The following KCNMA1 variants were observed in gnomAD, a reference collection of about 807,000 sequenced individuals.
The protein encoded by KCNMA1 is potassium calcium-activated channel subfamily M alpha 1, also known as Calcium-activated potassium channel subunit alpha-1.
Under a neutral mutation model 140.0 loss-of-function variants are expected in KCNMA1, and 29 were observed. The ratio of observed to expected loss-of-function variants is 0.21; its 90% CI spans 0.15 to 0.28. The LOEUF (loss-of-function observed/expected upper bound fraction) is 0.28, where lower values mean the gene tolerates loss of function less well. Among genes scored for constraint, KCNMA1 ranks in the 10% least tolerant of loss-of-function variants. The pLI, the probability that KCNMA1 is intolerant of heterozygous loss-of-function variation, is 1.00. For synonymous variants in KCNMA1, 612 were observed against 611.9 expected (o/e 1.00, Z 0.00); for missense variants, 880 against 1,602.2 (o/e 0.55, Z 7.70).
intron 1 of KCNMA1, among the ~76,000 whole-genome samples, chr10:77,422,289 A>C (rs796352138): frequency 6.6e-6 from 1 of 152,342 alleles, no homozygotes; most frequent in African/African-American, 2.4e-5. Flanking sequence ...CCCAGCCCAG[A>C]GTTTCCAATT....
chr10:77,210,684 G>C (rs556297646), intron 3 of KCNMA1, among the ~76,000 whole-genome samples: 2 of 152,182 alleles, frequency 1.3e-5, no homozygotes, highest in African/African-American at 4.8e-5. Flanking sequence ...CTTATAAAAG[G>C]CTGTTATAAC....
At chr10:77,096,960 C>T (rs2096947337) in intron 9 of KCNMA1, among the ~76,000 whole-genome samples, 1 of 152,140 alleles carries the variant, frequency 6.6e-6, no homozygotes, top group Non-Finnish European at 1.5e-5. Context: ...GAACCAGCAG[C>T]ACTGTATCAT....
chr10:77,526,506 A>G (rs960453552), intron 1 of KCNMA1, among the ~76,000 whole-genome samples: 1 of 152,232 alleles, frequency 6.6e-6, no homozygotes, highest in Non-Finnish European at 1.5e-5. Context: ...CTCAAAAGCC[A>G]ATAGCATCCA....
chr10:77,618,830 A>G (rs2090434099), intron 1 of KCNMA1, among the ~76,000 whole-genome samples: 1 of 152,240 alleles, frequency 6.6e-6, no homozygotes, highest in Admixed American at 6.5e-5. Context: ...TTTCTTCTCT[A>G]GAAATCCCGT....
chr10:77,032,621 A>G (rs1402452098), intron 15 of KCNMA1, among the ~76,000 whole-genome samples: 1 of 152,226 alleles, frequency 6.6e-6, no homozygotes, highest in African/African-American at 2.4e-5. Flanking sequence ...AAAGGTCTTA[A>G]GCCAGCAATC....
chr10:77,103,420 T>A (rs560730819), intron 9 of KCNMA1, among the ~76,000 whole-genome samples: 1 of 152,328 alleles, frequency 6.6e-6, no homozygotes, highest in African/African-American at 2.4e-5. Flanking sequence ...CTTTCACTGA[T>A]AAGGAAGAAA....
chr10:77,328,096 T>A (rs796513824), intron 2 of KCNMA1, among the ~76,000 whole-genome samples: 5 of 152,334 alleles, frequency 3.3e-5, no homozygotes, highest in African/African-American at 1.2e-4. Context: ...ACATTTTAAA[T>A]ATCTGTCTGT....
At chr10:77,422,995 A>G (rs973181595) in intron 1 of KCNMA1, among the ~76,000 whole-genome samples, 5 of 152,260 alleles carry the variant, frequency 3.3e-5, no homozygotes, top group African/African-American at 1.2e-4. Context: ...AAGGACAGAT[A>G]AAGCTCTGGC....
intron 1 of KCNMA1, among the ~76,000 whole-genome samples, chr10:77,496,051 C>T (rs906444625): frequency 9.8e-5 from 15 of 152,294 alleles, no homozygotes; most frequent in African/African-American, 3.4e-4. Flanking sequence ...GGAAGCCCCA[C>T]CCCTAGAAGG....
At chr10:76,918,703 T>C (rs1308783297) in intron 23 of KCNMA1, among the ~76,000 whole-genome samples, 1 of 152,010 alleles carries the variant, frequency 6.6e-6, no homozygotes, top group Non-Finnish European at 1.5e-5. Context: ...GAACTAAAAG[T>C]AGATCTACCA....
At chr10:76,983,463 T>G (rs1349240027) in intron 19 of KCNMA1, among the ~76,000 whole-genome samples, 3 of 152,174 alleles carry the variant, frequency 2.0e-5, no homozygotes, top group African/African-American at 7.2e-5. Context: ...CTGGGAATGG[T>G]GGCTCACATT....
At chr10:77,024,360 T>C (rs1277212037) in intron 16 of KCNMA1, among the ~76,000 whole-genome samples, 1 of 151,812 alleles carries the variant, frequency 6.6e-6, no homozygotes, top group African/African-American at 2.4e-5. Context: ...AAGAATCAGA[T>C]TTTGGAAAAA....
At chr10:77,218,509 G>C (rs974760269) in intron 3 of KCNMA1, among the ~76,000 whole-genome samples, 3 of 152,174 alleles carry the variant, frequency 2.0e-5, no homozygotes, top group African/African-American at 7.2e-5. Context: ...CATCCAGCCT[G>C]GCTCCTGCAG....
At chr10:77,449,764 T>C (rs1036040719) in intron 1 of KCNMA1, among the ~76,000 whole-genome samples, 2 of 150,750 alleles carry the variant, frequency 1.3e-5, no homozygotes, top group Non-Finnish European at 3.0e-5. Context: ...TGCCTCAGCC[T>C]CCCGAGTAGC....
chr10:77,503,837 G>A (rs2044784277), intron 1 of KCNMA1, among the ~76,000 whole-genome samples: 1 of 152,210 alleles, frequency 6.6e-6, no homozygotes. Context: ...GTGCTGGAAG[G>A]GGTCCCCACC....
intron 2 of KCNMA1, among the ~76,000 whole-genome samples, chr10:77,292,199 G>A (rs891370017): frequency 1.3e-5 from 2 of 152,216 alleles, no homozygotes; most frequent in Admixed American, 6.5e-5. Context: ...CTGAGACCCC[G>A]CCGGGCCTCA....
chr10:77,633,504 G>A (rs905710868), intron 1 of KCNMA1, among the ~76,000 whole-genome samples: 8 of 152,164 alleles, frequency 5.3e-5, no homozygotes, highest in Non-Finnish European at 1.5e-5. Context: ...CCCAGGACAG[G>A]ATGAGATGAG....
At chr10:77,310,604 C>T (rs1303854248) in intron 2 of KCNMA1, among the ~76,000 whole-genome samples, 1 of 152,206 alleles carries the variant, frequency 6.6e-6, no homozygotes, top group Non-Finnish European at 1.5e-5. Flanking sequence ...TCTTAAAACC[C>T]CAGCTGCCTC....
At chr10:77,119,782 A>C (rs924890192) in intron 6 of KCNMA1, among the ~76,000 whole-genome samples, 4 of 152,344 alleles carry the variant, frequency 2.6e-5, no homozygotes, top group African/African-American at 7.2e-5. Flanking sequence ...ACTTTTAAAG[A>C]CTTCAGTGCC....
Sources: allele counts gnomAD v4.1 joint callset (sites outside exome capture counted in the v4.1 genomes callset), GRCh38; gene constraint gnomAD v4.1.1; transcripts MANE v1.5; gene names NCBI Gene and HGNC (gene_info 2026-07-23, HGNC 2026-07-21).